CTNNA2: variants seen among roughly 807,000 people sequenced by gnomAD.
The protein encoded by CTNNA2 is catenin alpha-2.
CTNNA2 carries 42 observed loss-of-function variants against 101.0 expected under a neutral mutation model. The ratio of observed to expected loss-of-function variants is 0.42; its 90% CI spans 0.32 to 0.54. The LOEUF (loss-of-function observed/expected upper bound fraction) is 0.54. Among genes scored for constraint, CTNNA2 ranks in the 20% least tolerant of loss-of-function variants. The probability of loss-of-function intolerance (pLI) is 0.14; values close to 1 mark genes in which losing one functional copy is unlikely to be tolerated. For missense variants in CTNNA2, 871 were observed against 1,223.1 expected (o/e 0.71, Z 4.29); for synonymous variants, 450 against 456.4 (o/e 0.99, Z 0.18).
chr2:79,590,847 C>A (rs2103980540), intron 1 of CTNNA2, among the ~76,000 whole-genome samples: 1 of 152,242 alleles, frequency 6.6e-6, no homozygotes, highest in Admixed American at 6.5e-5. Flanking sequence ...TGAGATATTA[C>A]CAAAACCTTT....
chr2:80,002,416 C>T (rs1693015440), intron 7 of CTNNA2, among the ~76,000 whole-genome samples: 1 of 152,110 alleles, frequency 6.6e-6, no homozygotes, highest in South Asian at 2.1e-4. Flanking sequence ...ATGAGTTTGA[C>T]CAAGTGGAAA....
intron 7 of CTNNA2, among the ~76,000 whole-genome samples, chr2:80,266,439 A>G (rs1020652256): frequency 2.0e-5 from 3 of 152,186 alleles, no homozygotes; most frequent in African/African-American, 4.8e-5. Flanking sequence ...GTGGGCCAGC[A>G]TCAGCTGTGC....
chr2:79,643,927 A>G (rs370811546), intron 1 of CTNNA2, among the ~76,000 whole-genome samples: 1 of 152,080 alleles, frequency 6.6e-6, no homozygotes, highest in South Asian at 2.1e-4. Context: ...GTTTTTCTCA[A>G]TTCAAATCCC....
At chr2:79,738,269 T>TA (rs1292016054) in intron 2 of CTNNA2, among the ~76,000 whole-genome samples, 1 of 152,184 alleles carries the variant, frequency 6.6e-6, no homozygotes, top group African/African-American at 2.4e-5. Context: ...CTAGAACACT[T>TA]ACACTCTTAC....
At chr2:80,384,866 G>A (rs751797937) in intron 7 of CTNNA2, among the ~76,000 whole-genome samples, 58 of 152,024 alleles carry the variant, frequency 3.8e-4, no homozygotes, top group Non-Finnish European at 6.5e-4. Context: ...CAGTTACTGC[G>A]GCTTAGTATT....
chr2:79,781,013 A>T (rs1284371767), intron 3 of CTNNA2, among the ~76,000 whole-genome samples: 2 of 152,246 alleles, frequency 1.3e-5, no homozygotes, highest in Non-Finnish European at 2.9e-5. Flanking sequence ...GCAAGAAAGA[A>T]TTCAGGTCAA....
intron 7 of CTNNA2, among the ~76,000 whole-genome samples, chr2:80,368,494 A>T (rs994370704): frequency 6.7e-6 from 1 of 149,468 alleles, no homozygotes; most frequent in Non-Finnish European, 1.5e-5. Flanking sequence ...CACAGATGCC[A>T]TTTTTTTTTT....
At chr2:80,407,569 A>C (rs1679180592) in intron 8 of CTNNA2, among the ~76,000 whole-genome samples, 1 of 152,232 alleles carries the variant, frequency 6.6e-6, no homozygotes, top group South Asian at 2.1e-4. Flanking sequence ...AATCTATGTT[A>C]CCTGGCCCTT....
At chr2:79,805,332 T>G (rs2105314438) in intron 3 of CTNNA2, among the ~76,000 whole-genome samples, 1 of 152,352 alleles carries the variant, frequency 6.6e-6, no homozygotes, top group Non-Finnish European at 1.5e-5. Context: ...TGTCTTCGTT[T>G]CATCTGCTCC....
chr2:80,495,484 A>G (rs1262522551), intron 9 of CTNNA2, among the ~76,000 whole-genome samples: 1 of 152,202 alleles, frequency 6.6e-6, no homozygotes, highest in Non-Finnish European at 1.5e-5. Flanking sequence ...AACCACCAAA[A>G]AAAGAAAAGG....
At chr2:80,058,186 G>A (rs944645844) in intron 7 of CTNNA2, among the ~76,000 whole-genome samples, 5 of 152,176 alleles carry the variant, frequency 3.3e-5, no homozygotes, top group African/African-American at 7.2e-5. Flanking sequence ...AGGATACTGG[G>A]TCTTCTTGTC....
At chr2:80,001,600 G>C (rs988084279) in intron 7 of CTNNA2, among the ~76,000 whole-genome samples, 3 of 152,124 alleles carry the variant, frequency 2.0e-5, no homozygotes, top group Admixed American at 2.0e-4. Flanking sequence ...AAGAATAAAG[G>C]CCAGGAATGT....
intron 1 of CTNNA2, among the ~76,000 whole-genome samples, chr2:79,546,368 A>C (rs768954159): frequency 6.6e-6 from 1 of 152,190 alleles, no homozygotes; most frequent in African/African-American, 2.4e-5. Flanking sequence ...TTCATGGGAA[A>C]GTTTTCCAGC....
intron 8 of CTNNA2, among the ~76,000 whole-genome samples, chr2:80,395,348 A>G (rs1223211210): frequency 6.6e-6 from 1 of 152,262 alleles, no homozygotes; most frequent in Non-Finnish European, 1.5e-5. Context: ...CAGTTATGGC[A>G]TAATTTCACA....
At chr2:79,790,751 T>A (rs557664292) in intron 3 of CTNNA2, among the ~76,000 whole-genome samples, 10 of 152,276 alleles carry the variant, frequency 6.6e-5, no homozygotes, top group Admixed American at 5.2e-4. Context: ...TGAGTAAGTG[T>A]CCCCTGATCC....
chr2:79,437,232 C>CAAA (rs70940035), intron 4 of CTNNA2, among the ~76,000 whole-genome samples: 2 of 140,460 alleles, frequency 1.4e-5, no homozygotes, highest in Admixed American at 7.1e-5. Context: ...GAAACTGTCT[C>CAAA]AAAAAAAAAA....
At chr2:80,419,421 T>C (rs1007346770) in intron 8 of CTNNA2, 28 bp from the exon 9 acceptor site, 14 of 1,578,804 alleles carry the variant, frequency 8.9e-6, no homozygotes, top group Non-Finnish European at 1.2e-5. Context: ...TAATTGTATG[T>C]CATTTTTTGT....
chr2:79,871,637 T>G (rs745556893), intron 5 of CTNNA2, among the ~76,000 whole-genome samples: 2 of 152,200 alleles, frequency 1.3e-5, no homozygotes, highest in Non-Finnish European at 2.9e-5. Flanking sequence ...GCTTCTCCAC[T>G]TAATTCACTG....
chr2:80,187,630 A>G (rs1706216143), intron 7 of CTNNA2, among the ~76,000 whole-genome samples: 1 of 152,230 alleles, frequency 6.6e-6, no homozygotes, highest in African/African-American at 2.4e-5. Context: ...TGAACTTTAC[A>G]AGGCAAAGGG....
Sources: gnomAD v4.1 joint callset for allele counts (sites outside exome capture counted in the v4.1 genomes callset) on GRCh38, gnomAD v4.1.1 for gene constraint, MANE v1.5 for transcripts, NCBI Gene and HGNC (gene_info 2026-07-23, HGNC 2026-07-21) for gene names.